ANKRD30B: variants seen among roughly 807,000 people sequenced by gnomAD.
ANKRD30B encodes ankyrin repeat domain 30B.
ANKRD30B carries 144 observed loss-of-function variants against 202.2 expected under a neutral mutation model. The ratio of observed to expected loss-of-function variants is 0.71; its 90% CI spans 0.62 to 0.82. The LOEUF (loss-of-function observed/expected upper bound fraction) is 0.82, where lower values mean the gene tolerates loss of function less well. Ranked by LOEUF, ANKRD30B falls within the 40% of genes least tolerant of loss-of-function variation. The probability of loss-of-function intolerance (pLI) is 0.00; values close to 1 mark genes in which losing one functional copy is unlikely to be tolerated. For missense variants in ANKRD30B, 1,487 were observed against 1,669.1 expected (o/e 0.89, Z 1.90); for synonymous variants, 508 against 561.3 (o/e 0.91, Z 1.34).
At chr18:14,854,743 G>A (rs1004426463), downstream of ANKRD30B, among the ~76,000 whole-genome samples, 7 of 151,242 alleles carry the variant, frequency 4.6e-5, no homozygotes, top group African/African-American at 1.7e-4. Flanking sequence ...TCTATACTTG[G>A]TTCAGGATAC....
intron 30 of ANKRD30B, among the ~76,000 whole-genome samples, chr18:14,821,393 T>A (rs1456615784): frequency 3.3e-5 from 5 of 152,184 alleles, no homozygotes; most frequent in Non-Finnish European, 7.3e-5. Context: ...AGTTATTTCT[T>A]GCCTTCTACT....
At chr18:14,933,606 T>C in the ANKRD30B span, among the ~76,000 whole-genome samples, 148,429 of 152,176 alleles carry the variant, frequency 0.98, 72,508 homozygotes, top group Middle Eastern at 1. Flanking sequence ...CAGCTGAGGC[T>C]TCCTCTCCTG....
At chr18:14,811,328 G>A (rs952564875) in intron 28 of ANKRD30B, among the ~76,000 whole-genome samples, 2 of 150,840 alleles carry the variant, frequency 1.3e-5, no homozygotes, top group African/African-American at 2.4e-5. Context: ...TCTCCTGCCT[G>A]GGCCTCCCAA....
At chr18:14,843,260 G>A (rs555032534) in intron 39 of ANKRD30B, among the ~76,000 whole-genome samples, 164 bp downstream of exon 39, 42 of 152,164 alleles carry the variant, frequency 2.8e-4, no homozygotes, top group African/African-American at 6.0e-4. Context: ...ACAAGAACAC[G>A]AATTTTAATT....
chr18:14,795,086 C>T (rs1218272805), intron 16 of ANKRD30B, among the ~76,000 whole-genome samples: 1 of 152,126 alleles, frequency 6.6e-6, no homozygotes, highest in African/African-American at 2.4e-5. Context: ...ATTCCTTGAA[C>T]AATAAAACTG....
chr18:14,930,644 C>A, the ANKRD30B span, among the ~76,000 whole-genome samples: 1 of 152,102 alleles, frequency 6.6e-6, no homozygotes, highest in Admixed American at 6.5e-5. Context: ...CTTCCACACC[C>A]AGGAAGTGCT....
intron 41 of ANKRD30B, 77 bp downstream of exon 41, chr18:14,850,459 A>G: frequency 7.4e-7 from 1 of 1,346,678 alleles, no homozygotes; most frequent in Non-Finnish European, 9.9e-7. Flanking sequence ...CCTTTGATTT[A>G]GTATGTGTTA....
In ANKRD30B at chr18:14,775,877, T is replaced by A. The variant is rs183444885; in HGVS notation, c.1330-2108T>A. Among the ~76,000 whole-genome samples, 550 of 152,078 alleles carry A rather than the reference T, an allele frequency of 3.6e-3. 3 individuals are homozygous for A. The highest frequency in any genetic ancestry group is 6.1e-3 in the Non-Finnish European group (415 of 67,784). ...GGGAACTTGGAAAAAATCAATTAAC[T>A]TAACCAAATGCAACTAACTTGGTTT... is the stretch of plus-strand genomic sequence containing the variant. On this transcript the variant is annotated intron_variant, in intron 9 of 43. Coordinates refer to ENST00000690538, the MANE Select transcript of ANKRD30B (RefSeq NM_001367607.2).
At chr18:14,934,324 G>T in the ANKRD30B span, among the ~76,000 whole-genome samples, 47 of 152,354 alleles carry the variant, frequency 3.1e-4, no homozygotes, top group East Asian at 8.9e-3. Flanking sequence ...CCCGAGGGGA[G>T]CTGGGGAGTT....
chr18:14,851,977 A>T lies in ANKRD30B; in HGVS notation c.4033A>T (p.Asn1345Tyr), dbSNP rs1971902657. The change falls in exon 42 of 44, where the codon AAT becomes TAT. Residue 1345 changes from asparagine (N) to tyrosine (Y), a missense_variant. Transcript: ENST00000690538. ...NVDVSNTIYN[N>Y]EVLHQPLYEA... ...TGATGTGAGTAATACAATATATAAC[A>T]ATGAGGTGCTCCATCAACCACTTTA... 6.2e-7 allele frequency: 1 copy of T among 1,600,614 alleles called. No individual in the cohort carries two copies. The highest frequency in any genetic ancestry group is 2.3e-5 in the East Asian group (1 of 44,334).
At chr18:14,782,718 A>G (rs1172145073) in intron 12 of ANKRD30B, 104 bp downstream of exon 12, 2 of 624,992 alleles carry the variant, frequency 3.2e-6, no homozygotes, top group Non-Finnish European at 2.6e-6. Context: ...CACTAAATAC[A>G]TAACATCGAA....
chr18:14,821,100 G>T (rs1200643651), intron 30 of ANKRD30B, among the ~76,000 whole-genome samples: 9 of 152,160 alleles, frequency 5.9e-5, no homozygotes, highest in Non-Finnish European at 1.0e-4. Flanking sequence ...GGGAGAGTGT[G>T]TGTATCGAGG....
the ANKRD30B span, among the ~76,000 whole-genome samples, chr18:14,884,343 C>T: frequency 1.3e-5 from 2 of 152,036 alleles, no homozygotes; most frequent in African/African-American, 4.8e-5. Context: ...GACTACAGCC[C>T]TGGCTACACC....
intron 33 of ANKRD30B, 147 bp downstream of exon 33, chr18:14,828,455 T>G: frequency 3.4e-6 from 2 of 592,650 alleles, no homozygotes; most frequent in Non-Finnish European, 5.8e-6. Context: ...CACACAGCTT[T>G]GCAAAGCATC....
rs768434970 is a variant in ANKRD30B, at chr18:14,763,924, A to C, written c.1059A>C (p.Pro353=). 1 of 1,610,750 alleles carries C rather than the reference A, an allele frequency of 6.2e-7. No homozygotes were observed. Among genetic ancestry groups the C allele is most frequent in the Non-Finnish European group, 8.5e-7 (1 of 1,178,274 alleles). The change falls in exon 7 of 44, where the codon CCA becomes CCC. Residue 353 remains proline (P), a synonymous_variant. Coordinates refer to ENST00000690538, the MANE Select transcript of ANKRD30B (RefSeq NM_001367607.2). Reference sequence around the variant, plus strand: ...AAACATCTGAGAAATTTTCATGGCCAGCAAAAGAAAGATCTAGGAAGATCA... The same window carrying C: ...AAACATCTGAGAAATTTTCATGGCCCGCAAAAGAAAGATCTAGGAAGATCA... ...TKETSEKFSW[P]AKERSRKITW...
chr18:14,882,423 C>T, the ANKRD30B span, among the ~76,000 whole-genome samples: 1 of 152,110 alleles, frequency 6.6e-6, no homozygotes, highest in Non-Finnish European at 1.5e-5. Context: ...TTGAAGATTC[C>T]TTTTGGAGTT....
the ANKRD30B span, among the ~76,000 whole-genome samples, chr18:14,878,410 A>G: frequency 6.6e-6 from 1 of 152,114 alleles, no homozygotes; most frequent in African/African-American, 2.4e-5. Context: ...ACTATTATTA[A>G]TAAGGAGCTT....
intron 24 of ANKRD30B, among the ~76,000 whole-genome samples, chr18:14,806,764 T>G (rs577197283): frequency 6.7e-6 from 1 of 149,114 alleles, no homozygotes; most frequent in Non-Finnish European, 1.5e-5. Context: ...TAAAGGAAAA[T>G]ATTTTGGTTA....
intron 25 of ANKRD30B, 22 bp downstream of exon 25, chr18:14,808,601 T>C: frequency 6.4e-7 from 1 of 1,573,994 alleles, no homozygotes; most frequent in South Asian, 1.1e-5. Context: ...TATATTTCTA[T>C]GTTGAATATT....
Sources: gnomAD v4.1 joint callset for allele counts (sites outside exome capture counted in the v4.1 genomes callset) on GRCh38, gnomAD v4.1.1 for gene constraint, MANE v1.5 for transcripts, NCBI Gene and HGNC (gene_info 2026-07-23, HGNC 2026-07-21) for gene names.